Variants in IFT52 observed in about 807,000 individuals in gnomAD.
The protein encoded by IFT52 is intraflagellar transport 52.
In IFT52, 44 loss-of-function variants were observed where a neutral mutation model predicts 54.4. That is an observed-to-expected ratio of 0.81 (90% confidence interval 0.63 to 1.04). The LOEUF is 1.04. Ranked by LOEUF, IFT52 falls within the 50% of genes least tolerant of loss-of-function variation. IFT52 has a pLI of 0.00. For missense variants in IFT52, 452 were observed against 523.6 expected (o/e 0.86, Z 1.33); for synonymous variants, 181 against 185.3 (o/e 0.98, Z 0.19).
At chr20:43,620,479 G>A (rs2145634375) in intron 8 of IFT52, among the ~76,000 whole-genome samples, 1 of 152,220 alleles carries the variant, frequency 6.6e-6, no homozygotes, top group South Asian at 2.1e-4. Flanking sequence ...CCAACATGGT[G>A]AAACCCCATC....
chr20:43,632,546 C>T (rs890378296), intron 10 of IFT52, among the ~76,000 whole-genome samples: 1 of 152,172 alleles, frequency 6.6e-6, no homozygotes, highest in Non-Finnish European at 1.5e-5. Context: ...CAGGCATGAG[C>T]CCCTGCACTC....
intron 2 of IFT52, among the ~76,000 whole-genome samples, chr20:43,595,645 G>A (rs1981897769): frequency 6.6e-6 from 1 of 152,154 alleles, no homozygotes; most frequent in Non-Finnish European, 1.5e-5. Context: ...CAGCACTTTG[G>A]GAGGCTGAAG....
At chr20:43,614,988 T>G (rs1983750574) in intron 7 of IFT52, among the ~76,000 whole-genome samples, 1 of 151,972 alleles carries the variant, frequency 6.6e-6, no homozygotes, top group African/African-American at 2.4e-5. Flanking sequence ...TTTGTATTTT[T>G]GGGAGAGATG....
Position 43,645,605 on chromosome 20 carries a change from G to A in IFT52, c.1267-1331G>A, listed in dbSNP as rs1198770050. Reference sequence around the variant, plus strand: ...CCTTGGGCTGGGCACAGTGGCTCACGCTTGCAATCCCAGCACTTTGGGGGG... The same window carrying A: ...CCTTGGGCTGGGCACAGTGGCTCACACTTGCAATCCCAGCACTTTGGGGGG... On this transcript the variant is annotated intron_variant, in intron 13 of 13. Transcript: ENST00000373030. 7.2e-5 allele frequency among the ~76,000 whole-genome samples: 4 copies of A among 55,720 alleles called. 2 individuals are homozygous for A. Among genetic ancestry groups the A allele is most frequent in the Non-Finnish European group, 1.7e-4 (4 of 23,624 alleles). 36.6% of individuals were successfully genotyped at this position (55,720 alleles called of 152,430 possible).
Position 43,642,559 on chromosome 20 carries a change from C to A in IFT52, c.1201C>A (p.Gln401Lys). 6.2e-7 allele frequency: 1 copy of A among 1,614,120 alleles called. No homozygotes were observed. The highest frequency in any genetic ancestry group is 8.5e-7 in the Non-Finnish European group (1 of 1,180,000). ...AACCAGTAAACTACCAAAGGACCAACAGGATGCCAAACATATCCTTGAGCA... is the reference window on the plus strand; with the variant it reads ...AACCAGTAAACTACCAAAGGACCAAAAGGATGCCAAACATATCCTTGAGCA... ...GVTSKLPKDQ[Q>K]DAKHILEHVF... The change falls in exon 13 of 14, where the codon CAG becomes AAG. Residue 401 changes from glutamine (Q) to lysine (K), a missense_variant. By Grantham distance (53) the Gln-to-Lys change is moderately conservative (BLOSUM62 1). Transcript: ENST00000373030.
At chr20:43,632,889 G>A (rs929165134) in intron 10 of IFT52, among the ~76,000 whole-genome samples, 7 of 152,206 alleles carry the variant, frequency 4.6e-5, no homozygotes, top group African/African-American at 1.2e-4. Flanking sequence ...GGAGAAACCT[G>A]ATATGAAACT....
rs766953050 is a variant in IFT52, at chr20:43,624,059, G to A, written c.923+14G>A. 2 of 1,613,478 alleles carry A rather than the reference G, an allele frequency of 1.2e-6. No individual in the cohort carries two copies. The highest frequency in any genetic ancestry group is 1.7e-6 in the Non-Finnish European group (2 of 1,179,678). ...CAGCGTCATCGAGTCAGTACCTGTGGGCCTCTGAGCCACACTGCACTCCAT... is the reference window on the plus strand; with the variant it reads ...CAGCGTCATCGAGTCAGTACCTGTGAGCCTCTGAGCCACACTGCACTCCAT... On this transcript the variant is annotated intron_variant, in intron 10 of 13. Coordinates refer to ENST00000373030, the MANE Select transcript of IFT52 (RefSeq NM_016004.5).
chr20:43,647,245 T>C lies in IFT52; in HGVS notation c.*262T>C, dbSNP rs1013808108. 5 of 489,092 alleles carry C rather than the reference T, an allele frequency of 1.0e-5. No homozygotes were observed. The highest frequency in any genetic ancestry group is 1.8e-5 in the Non-Finnish European group (5 of 277,676). The allele number at this position is 489,092 out of a possible 1,614,324, so 30.3% of individuals were successfully genotyped here. On this transcript the variant is annotated 3_prime_UTR_variant, in exon 14 of 14. Coordinates refer to ENST00000373030, the MANE Select transcript of IFT52 (RefSeq NM_016004.5). ...CTATGAAACAGTCTTGATTTTTTTT[T>C]CTCAACCCCAGTTCTGGATTTGAGT...
At chr20:43,636,041 C>A in intron 11 of IFT52, 28 bp downstream of exon 11, 2 of 1,601,626 alleles carry the variant, frequency 1.2e-6, no homozygotes, top group Non-Finnish European at 1.7e-6. Context: ...GGAGATCCCA[C>A]TGCAGAGCCC....
At chr20:43,614,467 C>T (rs911101539) in intron 7 of IFT52, among the ~76,000 whole-genome samples, 5 of 151,916 alleles carry the variant, frequency 3.3e-5, no homozygotes, top group African/African-American at 1.2e-4. Context: ...ATCTCCTGAC[C>T]ATCCTGCCTC....
chr20:43,626,022 G>GAAAA (rs11403788), intron 10 of IFT52, among the ~76,000 whole-genome samples: 3 of 96,666 alleles, frequency 3.1e-5, no homozygotes, highest in African/African-American at 8.0e-5. Context: ...CTTGTCTCCG[G>GAAAA]AAAAAAAAAA....
In IFT52 at chr20:43,619,517, A is replaced by G. The variant is rs151329693; in HGVS notation, c.699+491A>G. On this transcript the variant is annotated intron_variant, in intron 8 of 13. Coordinates refer to ENST00000373030, the MANE Select transcript of IFT52 (RefSeq NM_016004.5). The stretch of plus-strand genomic sequence containing the variant: ...GAAAGTGGAAAGGAGGAGGCAGCCT[A>G]GAGCCAATTAGGAAGGTGGTGGTGT... Among the ~76,000 whole-genome samples, 1,173 of 152,274 alleles carry G rather than the reference A, an allele frequency of 7.7e-3. 21 individuals are homozygous for G. Among genetic ancestry groups the G allele is most frequent in the African/African-American group, 0.026 (1,094 of 41,554 alleles).
At chr20:43,591,357 G>A (rs879556140) in intron 1 of IFT52, among the ~76,000 whole-genome samples, 2 of 152,366 alleles carry the variant, frequency 1.3e-5, no homozygotes, top group Admixed American at 1.3e-4. Flanking sequence ...CGGTATTCAT[G>A]TGGGAAAATA....
intron 12 of IFT52, among the ~76,000 whole-genome samples, chr20:43,638,482 C>T (rs947274750): frequency 6.6e-6 from 1 of 152,150 alleles, no homozygotes; most frequent in South Asian, 2.1e-4. Context: ...TGAGCCACCA[C>T]GTCCGGCCAA....
intron 1 of IFT52, among the ~76,000 whole-genome samples, chr20:43,591,631 T>G (rs1981526931): frequency 6.6e-6 from 1 of 152,094 alleles, no homozygotes; most frequent in Admixed American, 6.6e-5. Context: ...GTTAAAGTGC[T>G]TAAAGAAGGA....
chr20:43,635,940 TA>T lies in IFT52; in HGVS notation c.941del (p.Asn314MetfsTer2), dbSNP rs1985502578. Reference protein sequence around the residue: ...FHSVIEAHEQLNVKHEPLQLI... With the variant: ...FHSVIEAHEQXNVKHEPLQLI... ...TATGAACACAGGGCTCACGAGCAGC[TA>T]AATGTGAAACATGAACCACTCCAGC... On this transcript the variant is annotated frameshift_variant, in exon 11 of 14. Transcript: ENST00000373030. LOFTEE classifies it high-confidence loss of function. 6.2e-7 allele frequency: 1 copy of T among 1,614,218 alleles called. No homozygotes were observed.
In IFT52 at chr20:43,629,276, G is replaced by GT. The variant is rs11483894; in HGVS notation, c.923+5237dup. On this transcript the variant is annotated intron_variant, in intron 10 of 13. Coordinates refer to ENST00000373030, the MANE Select transcript of IFT52 (RefSeq NM_016004.5). ...TTGTACGTTTTTGTTTTTTTGTTTT[G>GT]TTTTTTATTTTTTTGAGATGGAGTC... 1.7e-3 allele frequency among the ~76,000 whole-genome samples: 258 copies of GT among 151,894 alleles called. 1 individual carries two copies. The highest frequency in any genetic ancestry group is 5.9e-3 in the African/African-American group (243 of 41,454).
At position 43,623,925 on chromosome 20, in the gene IFT52, C is replaced by T. The variant is rs541874639; in HGVS notation, c.803C>T (p.Thr268Ile). The T allele has an allele frequency of 1.2e-6, 2 of 1,614,156 alleles. No individual in the cohort carries two copies. The highest frequency in any genetic ancestry group is 2.2e-5 in the East Asian group (1 of 44,880). ...TACATGATGCTGCCCTACACAGCCA[C>T]CCTATCAAAGCGGAATCGAGAGTGT... ...SDYMMLPYTATLSKRNRECLQ... is the reference protein window; with the variant it reads ...SDYMMLPYTAILSKRNRECLQ... The change falls in exon 10 of 14, where the codon ACC (threonine) becomes ATC (isoleucine). Residue 268 changes from threonine (T) to isoleucine (I), a missense_variant. Thr to Ile is a moderately conservative substitution (Grantham distance 89). Transcript: ENST00000373030.
At chr20:43,599,485 C>T (rs913713903) in intron 3 of IFT52, among the ~76,000 whole-genome samples, 1 of 152,164 alleles carries the variant, frequency 6.6e-6, no homozygotes, top group Non-Finnish European at 1.5e-5. Flanking sequence ...CAGTCCCTGA[C>T]ACCATACCTT....
Sources: gnomAD v4.1 joint callset for allele counts (sites outside exome capture counted in the v4.1 genomes callset) on GRCh38, gnomAD v4.1.1 for gene constraint, MANE v1.5 for transcripts, NCBI Gene and HGNC (gene_info 2026-07-23, HGNC 2026-07-21) for gene names.